The following TGFBR3 variants were observed in gnomAD, a reference collection of about 807,000 sequenced individuals.
TGFBR3 encodes the protein transforming growth factor beta receptor 3, also known as transforming growth factor beta receptor type 3.
Under a neutral mutation model 87.9 loss-of-function variants are expected in TGFBR3, and 46 were observed. The ratio of observed to expected loss-of-function variants is 0.52; its 90% confidence interval spans 0.41 to 0.67. The LOEUF (loss-of-function observed/expected upper bound fraction) is 0.67. TGFBR3 is among the 30% of genes least tolerant of loss of function. The pLI is 0.00. For synonymous variants in TGFBR3, 381 were observed against 391.6 expected, an observed-to-expected ratio of 0.97 and a Z score of 0.32; for missense variants, 866 against 1,041.9, an observed-to-expected ratio of 0.83 and a Z score of 2.32.
At chr1:91,799,913 T>A (rs1405296922) in intron 2 of TGFBR3, among the ~76,000 whole-genome samples, 1 of 152,166 alleles carries the variant, frequency 6.6e-6, no homozygotes, top group Non-Finnish European at 1.5e-5. Flanking sequence ...GCTGAAGATG[T>A]GCACTTCTTG....
chr1:91,886,210 G>C (rs974351019), upstream of TGFBR3: 10 of 452,354 alleles, frequency 2.2e-5, no homozygotes, highest in Admixed American at 1.4e-4. Flanking sequence ...GGGCGGGGAC[G>C]GGCAGGACGC....
In TGFBR3 at chr1:91,680,750, A is replaced by T. The variant is rs1340871789; in HGVS notation, c.*2989T>A. On this transcript the variant is annotated 3_prime_UTR_variant, in exon 17 of 17. Coordinates refer to ENST00000212355, the MANE Select transcript of TGFBR3 (RefSeq NM_003243.5). ...ATCATTCAAACCATGAGGTAGTTAC[A>T]GTACAAAAAGACTGGCACGCGTGTG... The T allele has an allele frequency of 6.6e-6, 3 of 454,028 alleles. No individual in the cohort carries two copies. Among genetic ancestry groups the T allele is most frequent in the Non-Finnish European group, 1.3e-5 (3 of 226,804 alleles). The allele number at this position is 454,028 out of a possible 1,614,324, so 28.1% of individuals were successfully genotyped here. A position where few individuals can be genotyped will look rare whatever the true frequency, so the allele number is the denominator to read the frequency against.
chr1:91,817,474 G>A (rs1009148134), intron 2 of TGFBR3, among the ~76,000 whole-genome samples: 1 of 152,214 alleles, frequency 6.6e-6, no homozygotes, highest in East Asian at 1.9e-4. Flanking sequence ...ATTCTCAAGT[G>A]TTCAGACAGA....
chr1:91,868,455 A>G (rs1678459396), intron 1 of TGFBR3, among the ~76,000 whole-genome samples: 3 of 152,184 alleles, frequency 2.0e-5, no homozygotes, highest in South Asian at 4.1e-4. Context: ...AAAGATACTC[A>G]TAATGTAGCA....
At chr1:91,685,315 CTTTTT>C (rs71585124) in intron 16 of TGFBR3, among the ~76,000 whole-genome samples, 8 of 100,668 alleles carry the variant, frequency 7.9e-5, no homozygotes, top group African/African-American at 3.3e-4. Flanking sequence ...GAAGCACTGC[CTTTTT>C]TTTTTTTTTT....
intron 4 of TGFBR3, chr1:91,755,042 C>T (rs1173259086): frequency 6.6e-6 from 1 of 152,134 alleles, no homozygotes; most frequent in Non-Finnish European, 1.5e-5. Context: ...TTCCACAGCT[C>T]CTTTAGGCTC....
chr1:91,858,416 A>G (rs984874495), intron 2 of TGFBR3, among the ~76,000 whole-genome samples: 1 of 151,960 alleles, frequency 6.6e-6, no homozygotes, highest in Non-Finnish European at 1.5e-5. Context: ...GGAGTTCACG[A>G]CCAGCCTGGG....
At chr1:91,733,940 C>A (rs1672861173) in intron 5 of TGFBR3, among the ~76,000 whole-genome samples, 2 of 151,480 alleles carry the variant, frequency 1.3e-5, no homozygotes, top group Admixed American at 1.3e-4. Context: ...GAGACTGAAG[C>A]AGGAGAATCA....
At chr1:91,745,878 C>T (rs924113323) in intron 4 of TGFBR3, among the ~76,000 whole-genome samples, 2 of 152,174 alleles carry the variant, frequency 1.3e-5, no homozygotes, top group Admixed American at 6.5e-5. Context: ...ATGGTATCTG[C>T]CAATCATGCA....
chr1:91,775,442 A>C (rs1674534540), intron 3 of TGFBR3, among the ~76,000 whole-genome samples: 1 of 152,150 alleles, frequency 6.6e-6, no homozygotes, highest in Non-Finnish European at 1.5e-5. Context: ...CCTCTTCTTC[A>C]CCCAGATCTC....
At chr1:91,718,902 G>A (rs913097721) in intron 10 of TGFBR3, among the ~76,000 whole-genome samples, 13 of 152,122 alleles carry the variant, frequency 8.5e-5, no homozygotes, top group African/African-American at 3.1e-4. Flanking sequence ...ACTTCTGGAC[G>A]AGACTCAAAT....
intron 2 of TGFBR3, among the ~76,000 whole-genome samples, chr1:91,826,484 G>A (rs993826976): frequency 1.3e-5 from 2 of 152,088 alleles, no homozygotes; most frequent in African/African-American, 2.4e-5. Flanking sequence ...AGGATGGGAG[G>A]AAAAGCTGAG....
At chr1:91,773,746 A>G (rs906338977) in intron 3 of TGFBR3, among the ~76,000 whole-genome samples, 1 of 152,238 alleles carries the variant, frequency 6.6e-6, no homozygotes, top group Non-Finnish European at 1.5e-5. Context: ...CTGAATTATC[A>G]ATTTCATAAA....
At chr1:91,775,106 C>G (rs1021928409) in intron 3 of TGFBR3, among the ~76,000 whole-genome samples, 1 of 152,196 alleles carries the variant, frequency 6.6e-6, no homozygotes, top group Non-Finnish European at 1.5e-5. Flanking sequence ...AATATCCACT[C>G]TAGTAATCTA....
chr1:91,758,895 A>C lies in TGFBR3; in HGVS notation c.247-145T>G, dbSNP rs1673848307. ...AGCTCAGATTCTATGAATAAGATAC[A>C]TTAAGTTGAACCAGATGATATTGCC... is the stretch of plus-strand genomic sequence containing the variant. On this transcript the variant is annotated intron_variant, in intron 3 of 16. Transcript: ENST00000212355. 11 of 1,049,106 alleles carry C rather than the reference A, an allele frequency of 1.0e-5. No individual in the cohort carries two copies. In the South Asian group the frequency reaches 1.5e-4, roughly 15 times the overall value. The allele number at this position is 1,049,106 out of a possible 1,614,324, so 65.0% of individuals were successfully genotyped here.
chr1:91,892,185 G>A (rs1679465317), intron 2 of TGFBR3, among the ~76,000 whole-genome samples: 3 of 152,186 alleles, frequency 2.0e-5, no homozygotes, highest in Admixed American at 2.0e-4. Flanking sequence ...GGATTCTGAT[G>A]AAGCAGGAAA....
chr1:91,818,633 G>A (rs1292575831), intron 2 of TGFBR3, among the ~76,000 whole-genome samples: 1 of 152,080 alleles, frequency 6.6e-6, no homozygotes, highest in Admixed American at 6.5e-5. Flanking sequence ...TAGGATCAAG[G>A]GAGTATTCAG....
chr1:91,872,497 C>T (rs1192527), intron 1 of TGFBR3, among the ~76,000 whole-genome samples: 15,195 of 152,142 alleles, frequency 0.1, 1,672 homozygotes, highest in East Asian at 0.4. Flanking sequence ...TAAGATTTCT[C>T]TTCAAAGAAA....
At chr1:91,867,754 T>C (rs1678440077) in intron 1 of TGFBR3, among the ~76,000 whole-genome samples, 1 of 152,178 alleles carries the variant, frequency 6.6e-6, no homozygotes. Context: ...AAGAACTGTA[T>C]TTGGGGGTTC....
Sources: gnomAD v4.1 joint callset for allele counts (sites outside exome capture counted in the v4.1 genomes callset) on GRCh38, gnomAD v4.1.1 for gene constraint, MANE v1.5 for transcripts, NCBI Gene and HGNC (gene_info 2026-07-23, HGNC 2026-07-21) for gene names.